Variants in DLGAP2 observed in about 807,000 individuals in gnomAD.
The protein encoded by DLGAP2 is disks large-associated protein 2.
Under a neutral mutation model 100.3 loss-of-function variants are expected in DLGAP2, and 26 were observed. That is an observed-to-expected ratio of 0.26 (90% confidence interval 0.19 to 0.36). The LOEUF is 0.36. DLGAP2 is among the 10% of genes least tolerant of loss of function. The pLI, the probability that DLGAP2 is intolerant of heterozygous loss-of-function variation, is 1.00. For synonymous variants in DLGAP2, 886 were observed against 630.1 expected (o/e 1.41, Z -6.08); for missense variants, 1,858 against 1,453.2 (o/e 1.28, Z -4.53).
At chr8:1,165,680 T>G (rs1270167620) in intron 2 of DLGAP2, among the ~76,000 whole-genome samples, 1 of 152,224 alleles carries the variant, frequency 6.6e-6, no homozygotes, top group South Asian at 2.1e-4. Context: ...TTTGTCGAAT[T>G]TACGTTTTTA....
chr8:1,320,753 C>T (rs993393825), intron 3 of DLGAP2, among the ~76,000 whole-genome samples: 35 of 152,334 alleles, frequency 2.3e-4, no homozygotes, highest in African/African-American at 7.9e-4. Context: ...CCAACTCCTG[C>T]GGTCTTCCCC....
At chr8:1,367,775 T>C (rs1216878408) in intron 3 of DLGAP2, among the ~76,000 whole-genome samples, 1 of 152,222 alleles carries the variant, frequency 6.6e-6, no homozygotes, top group Non-Finnish European at 1.5e-5. Context: ...AATCACTCTG[T>C]TGTGTATTTA....
At chr8:925,975 C>T (rs183027596) in intron 2 of DLGAP2, among the ~76,000 whole-genome samples, 42 of 152,316 alleles carry the variant, frequency 2.8e-4, no homozygotes, top group African/African-American at 9.6e-4. Context: ...AGAATGAACA[C>T]ATCACACTGC....
chr8:1,420,392 G>A (rs761970579), intron 3 of DLGAP2, among the ~76,000 whole-genome samples: 12 of 152,090 alleles, frequency 7.9e-5, no homozygotes, highest in Non-Finnish European at 1.6e-4. Context: ...GCCTATTTCT[G>A]GCCACCTCAC....
chr8:976,552 C>A (rs541597335), intron 2 of DLGAP2, among the ~76,000 whole-genome samples: 3 of 152,220 alleles, frequency 2.0e-5, no homozygotes, highest in African/African-American at 7.2e-5. Flanking sequence ...GTGGAGCTTG[C>A]AGTGAGGCGA....
intron 2 of DLGAP2, among the ~76,000 whole-genome samples, chr8:1,138,476 C>G (rs1027335059): frequency 2.0e-5 from 3 of 152,240 alleles, no homozygotes; most frequent in African/African-American, 7.2e-5. Context: ...GCCATCGGCC[C>G]TCAGGTCCAC....
chr8:1,060,045 C>G (rs548304291), intron 2 of DLGAP2, among the ~76,000 whole-genome samples: 3 of 152,138 alleles, frequency 2.0e-5, no homozygotes, highest in African/African-American at 4.8e-5. Flanking sequence ...GAAGTGGAAT[C>G]TCAGGACCTG....
At chr8:1,679,571 C>G (rs1337897328) in intron 12 of DLGAP2, among the ~76,000 whole-genome samples, 1 of 152,264 alleles carries the variant, frequency 6.6e-6, no homozygotes, top group Non-Finnish European at 1.5e-5. Context: ...ACCAGTGTCA[C>G]CAGGGCAGAT....
chr8:825,935 A>G (rs1001305111), intron 1 of DLGAP2, among the ~76,000 whole-genome samples: 4 of 152,198 alleles, frequency 2.6e-5, no homozygotes, highest in Non-Finnish European at 5.9e-5. Flanking sequence ...ACTAGATTGT[A>G]TTCATTCTAT....
intron 3 of DLGAP2, among the ~76,000 whole-genome samples, chr8:1,312,174 C>G (rs764284486): frequency 2.6e-5 from 4 of 152,216 alleles, no homozygotes; most frequent in Non-Finnish European, 5.9e-5. Context: ...AGACACAGAT[C>G]TCAACCTTTT....
At position 1,699,810 on chromosome 8, in the gene DLGAP2, C is replaced by A. The variant is rs184849127; in HGVS notation, c.2950-1378C>A. Among the ~76,000 whole-genome samples the A allele has an allele frequency of 8.5e-5, 13 of 152,246 alleles. No homozygotes were observed. In the East Asian group the frequency reaches 1.7e-3, roughly 20 times the overall value. ...TGCTGGACACTCCTACAGTGCCACA[C>A]CCACAGGCCTGGAAGCTCCTTTGAT... On this transcript the variant is annotated intron_variant, in intron 14 of 14. Coordinates refer to ENST00000637795, the MANE Select transcript of DLGAP2 (RefSeq NM_001346810.2).
chr8:1,459,753 T>G (rs2130148240), intron 3 of DLGAP2, among the ~76,000 whole-genome samples: 1 of 148,748 alleles, frequency 6.7e-6, no homozygotes, highest in South Asian at 2.2e-4. Flanking sequence ...TGGCACAATC[T>G]TGGCTCACTG....
intron 8 of DLGAP2, among the ~76,000 whole-genome samples, chr8:1,645,924 T>G (rs897259788): frequency 2.6e-5 from 4 of 152,200 alleles, no homozygotes; most frequent in African/African-American, 9.6e-5. Context: ...TATTCCAGCC[T>G]TGTCTTTCCC....
intron 1 of DLGAP2, among the ~76,000 whole-genome samples, chr8:895,723 G>T (rs922640856): frequency 6.6e-6 from 1 of 152,214 alleles, no homozygotes; most frequent in Non-Finnish European, 1.5e-5. Context: ...TGCTGAACCA[G>T]TCAGGCTGCG....
intron 3 of DLGAP2, among the ~76,000 whole-genome samples, chr8:1,330,946 T>C (rs1326496094): frequency 5.0e-5 from 7 of 139,862 alleles, no homozygotes; most frequent in Non-Finnish European, 1.5e-5. Flanking sequence ...TGGGACTGAG[T>C]TCTGGGTGGG....
At chr8:1,052,521 C>G (rs895815764) in intron 2 of DLGAP2, among the ~76,000 whole-genome samples, 1 of 152,124 alleles carries the variant, frequency 6.6e-6, no homozygotes, top group Non-Finnish European at 1.5e-5. Context: ...TACTATATTC[C>G]AGGCATTGTG....
At chr8:1,371,470 C>G (rs1444274778) in intron 3 of DLGAP2, among the ~76,000 whole-genome samples, 1 of 152,152 alleles carries the variant, frequency 6.6e-6, no homozygotes, top group Non-Finnish European at 1.5e-5. Flanking sequence ...GGTGCTCTGC[C>G]CAGCGCGTTG....
chr8:1,615,742 C>T (rs1413816945), intron 6 of DLGAP2, among the ~76,000 whole-genome samples: 2 of 151,210 alleles, frequency 1.3e-5, no homozygotes, highest in Non-Finnish European at 2.9e-5. Flanking sequence ...TTAGAACTCA[C>T]CGGAAAGATC....
intron 4 of DLGAP2, among the ~76,000 whole-genome samples, chr8:1,537,350 A>C (rs1584903103): frequency 6.6e-6 from 1 of 152,184 alleles, no homozygotes; most frequent in East Asian, 1.9e-4. Context: ...GTGGAGGTGA[A>C]CAAGGCAGGA....
Sources: gnomAD v4.1 joint callset for allele counts (sites outside exome capture counted in the v4.1 genomes callset) on GRCh38, gnomAD v4.1.1 for gene constraint, MANE v1.5 for transcripts, NCBI Gene and HGNC (gene_info 2026-07-23, HGNC 2026-07-21) for gene names.